The following PRKN variants were observed in gnomAD, a reference collection of about 807,000 sequenced individuals.
PRKN encodes the protein parkin RBR E3 ubiquitin protein ligase, also known as E3 ubiquitin-protein ligase parkin.
In PRKN, 56 loss-of-function variants were observed where a neutral mutation model predicts 59.5. The observed-to-expected ratio is 0.94, with a 90% CI of 0.76 to 1.18. PRKN has a LOEUF of 1.18. PRKN is among the 50% of genes most tolerant of loss of function. The pLI, the probability that PRKN is intolerant of heterozygous loss-of-function variation, is 0.00. For synonymous variants in PRKN, 250 were observed against 222.1 expected, an observed-to-expected ratio of 1.13 and a Z score of -1.12; for missense variants, 657 against 596.4, an observed-to-expected ratio of 1.10 and a Z score of -1.06.
intron 1 of PRKN, among the ~76,000 whole-genome samples, chr6:162,694,518 A>T (rs962423653): frequency 1.3e-5 from 2 of 152,162 alleles, no homozygotes; most frequent in Admixed American, 1.3e-4. Context: ...AACCATAGTG[A>T]CTCTCTTAAG....
intron 9 of PRKN, among the ~76,000 whole-genome samples, chr6:161,532,674 C>G: frequency 6.6e-6 from 1 of 152,214 alleles, no homozygotes; most frequent in Middle Eastern, 3.4e-3. Flanking sequence ...TCATGGGTTA[C>G]GAGACGGGAG....
At chr6:161,681,543 C>T (rs924455712) in intron 7 of PRKN, among the ~76,000 whole-genome samples, 3 of 151,792 alleles carry the variant, frequency 2.0e-5, no homozygotes, top group African/African-American at 4.8e-5. Flanking sequence ...TTTAAAATAG[C>T]ATCTGATTTC....
chr6:162,229,537 T>C (rs1778328291), intron 3 of PRKN, among the ~76,000 whole-genome samples: 1 of 152,200 alleles, frequency 6.6e-6, no homozygotes. Context: ...CCATTATTCC[T>C]TTGCTCAGCA....
chr6:162,265,386 A>G (rs979951163), intron 2 of PRKN, among the ~76,000 whole-genome samples: 8 of 152,102 alleles, frequency 5.3e-5, no homozygotes, highest in Non-Finnish European at 1.0e-4. Flanking sequence ...TCCCGCTGCT[A>G]AGGTCCATCA....
intron 6 of PRKN, among the ~76,000 whole-genome samples, chr6:161,820,215 T>C (rs919252588): frequency 2.6e-5 from 4 of 152,014 alleles, no homozygotes; most frequent in African/African-American, 9.6e-5. Flanking sequence ...AAAAATTCAA[T>C]GGTAGTTAGC....
intron 1 of PRKN, among the ~76,000 whole-genome samples, chr6:162,626,989 T>C (rs1207510690): frequency 6.6e-6 from 1 of 152,192 alleles, no homozygotes; most frequent in Non-Finnish European, 1.5e-5. Flanking sequence ...TAATTACCAA[T>C]GTTTTAAACG....
chr6:162,235,958 GAAGA>G (rs58769358), intron 3 of PRKN, among the ~76,000 whole-genome samples: 8,535 of 91,764 alleles, frequency 0.093, 663 homozygotes, highest in Non-Finnish European at 0.12. Context: ...AGGAAGAAAG[GAAGA>G]AAGAAAGAAA....
intron 1 of PRKN, among the ~76,000 whole-genome samples, chr6:162,666,473 A>G (rs747940721): frequency 6.6e-6 from 1 of 152,166 alleles, no homozygotes; most frequent in East Asian, 1.9e-4. Context: ...CAAATTTCCT[A>G]TCTCCACAGA....
intron 2 of PRKN, among the ~76,000 whole-genome samples, chr6:162,275,889 G>A (rs1291793305): frequency 6.6e-6 from 1 of 152,100 alleles, no homozygotes; most frequent in African/African-American, 2.4e-5. Context: ...GCACATCTTA[G>A]AATGGGATCC....
At chr6:161,557,474 C>T (rs1780280332) in intron 8 of PRKN, among the ~76,000 whole-genome samples, 1 of 152,114 alleles carries the variant, frequency 6.6e-6, no homozygotes, top group African/African-American at 2.4e-5. Flanking sequence ...TGAACTTCCC[C>T]TTTCTTGCTG....
chr6:161,524,118 T>C (rs1778934930), intron 9 of PRKN, among the ~76,000 whole-genome samples: 1 of 152,086 alleles, frequency 6.6e-6, no homozygotes, highest in Admixed American at 6.6e-5. Flanking sequence ...GGCAAGAAAA[T>C]AATACCAGCT....
At chr6:161,824,811 AT>A (rs1792174780) in intron 6 of PRKN, among the ~76,000 whole-genome samples, 1 of 152,224 alleles carries the variant, frequency 6.6e-6, no homozygotes, top group Non-Finnish European at 1.5e-5. Flanking sequence ...ATTTGACATG[AT>A]ATACTAACAT....
In PRKN at chr6:162,533,988, A is replaced by AAAG. The variant is rs71004099; in HGVS notation, c.8-90516_8-90515insCTT. Among the ~76,000 whole-genome samples the AAAG allele has an allele frequency of 2.5e-4, 36 of 143,750 alleles. 2 individuals carry two copies. Among genetic ancestry groups the AAAG allele is most frequent in the South Asian group, 6.8e-4 (3 of 4,424 alleles). 94.3% of individuals were successfully genotyped at this position (143,750 alleles called of 152,430 possible). ...TCCATCTCAAAAAAAAAAAAAAAAA[A>AAAG]GAGATATGAAGGAGGATTAATAAGA... is the stretch of plus-strand genomic sequence containing the variant. On this transcript the variant is annotated intron_variant, in intron 1 of 11. Coordinates refer to ENST00000366898, the MANE Select transcript of PRKN (RefSeq NM_004562.3).
chr6:162,601,218 T>G (rs1029370538), intron 1 of PRKN, among the ~76,000 whole-genome samples: 10 of 152,090 alleles, frequency 6.6e-5, no homozygotes, highest in Non-Finnish European at 1.5e-4. Flanking sequence ...CCCATCATAG[T>G]GGCCCCACCC....
chr6:162,559,254 A>T (rs1779740083), intron 1 of PRKN, among the ~76,000 whole-genome samples: 1 of 139,022 alleles, frequency 7.2e-6, no homozygotes, highest in Non-Finnish European at 1.6e-5. Context: ...GAAAACTACG[A>T]CTATTTGTAA....
chr6:161,605,867 CAT>C (rs1367207310), intron 7 of PRKN, among the ~76,000 whole-genome samples: 1 of 152,042 alleles, frequency 6.6e-6, no homozygotes, highest in Non-Finnish European at 1.5e-5. Flanking sequence ...TGATGAGTGG[CAT>C]ATAGAGAAAA....
rs150209656 is a variant in PRKN at position 161,377,129 on chromosome 6, C to T, written c.1167+9665G>A. ...AAAAGAGGTCACGTGGGGCTACCTG[C>T]GGGCCAATAAGAGCATCCCAGCAAA... On this transcript the variant is annotated intron_variant, in intron 10 of 11. Transcript: ENST00000366898. This position sits in a 1 kb window ranked among gnomAD's most constrained non-coding sequence, Gnocchi z 4.2. 3.3e-5 allele frequency among the ~76,000 whole-genome samples: 5 copies of T among 152,340 alleles called. No homozygotes were observed. Among genetic ancestry groups the T allele is most frequent in the African/African-American group, 9.6e-5 (4 of 41,578 alleles).
chr6:161,476,060 G>C lies in PRKN; in HGVS notation c.1083+72794C>G, dbSNP rs369223816. 9.2e-5 allele frequency among the ~76,000 whole-genome samples: 14 copies of C among 151,816 alleles called. 1 individual carries two copies. The South Asian group carries it at 1.5e-3, about 16-fold the overall frequency. Reference sequence around the variant, plus strand: ...AAATTAGCCGGGCGTGGTGGCGGGCGCCTGTAGTCCCAGCTACTCAGGAGG... The same window carrying C: ...AAATTAGCCGGGCGTGGTGGCGGGCCCCTGTAGTCCCAGCTACTCAGGAGG... On this transcript the variant is annotated intron_variant, in intron 9 of 11. Transcript: ENST00000366898.
intron 2 of PRKN, among the ~76,000 whole-genome samples, chr6:162,293,696 A>C (rs1427146064): frequency 1.3e-5 from 2 of 152,136 alleles, no homozygotes; most frequent in Non-Finnish European, 2.9e-5. Flanking sequence ...TGTCAGGAGG[A>C]ATGTGAATAC....
Sources: gnomAD v4.1 joint callset for allele counts (sites outside exome capture counted in the v4.1 genomes callset) on GRCh38, gnomAD v4.1.1 for gene constraint, Gnocchi (gnomAD v3.1) non-coding constraint, MANE v1.5 for transcripts, NCBI Gene and HGNC (gene_info 2026-07-23, HGNC 2026-07-21) for gene names.